PLEKHH2: variants seen among roughly 807,000 people sequenced by gnomAD.
The protein encoded by PLEKHH2 is pleckstrin homology, MyTH4 and FERM domain containing H2.
In PLEKHH2, 129 loss-of-function variants were observed where a neutral mutation model predicts 187.9. The ratio of observed to expected loss-of-function variants is 0.69; its 90% CI spans 0.59 to 0.79. PLEKHH2 has a LOEUF of 0.79. Among genes scored for constraint, PLEKHH2 ranks in the 30% least tolerant of loss-of-function variants. The pLI is 0.00. For missense variants in PLEKHH2, 2,076 were observed against 1,751.2 expected, an observed-to-expected ratio of 1.19 and a Z score of -3.31; for synonymous variants, 686 against 605.6, an observed-to-expected ratio of 1.13 and a Z score of -1.95.
At position 43,760,747 on chromosome 2, in the gene PLEKHH2, C is replaced by A. The variant is rs184739215; in HGVS notation, c.4072-1557C>A. On this transcript the variant is annotated intron_variant, in intron 27 of 29. Coordinates refer to ENST00000282406, the MANE Select transcript of PLEKHH2 (RefSeq NM_172069.4). ...TTGCTGTCACCACCATTCATCTAAA[C>A]ACTTTTTTATTTTCCCAAACTGAAA... is the stretch of plus-strand genomic sequence containing the variant. Among the ~76,000 whole-genome samples, 1,111 of 150,384 alleles carry A rather than the reference C, an allele frequency of 7.4e-3. 14 individuals are homozygous for A. Among genetic ancestry groups the A allele is most frequent in the African/African-American group, 0.025 (1,046 of 41,324 alleles).
chr2:43,752,357 G>A (rs1279912414), intron 24 of PLEKHH2, among the ~76,000 whole-genome samples: 3 of 152,092 alleles, frequency 2.0e-5, no homozygotes, highest in African/African-American at 7.2e-5. Flanking sequence ...TGGAGCTTAG[G>A]ATTTTTCTGA....
chr2:43,753,303 G>A (rs1374951196), intron 24 of PLEKHH2, among the ~76,000 whole-genome samples: 1 of 151,992 alleles, frequency 6.6e-6, no homozygotes, highest in African/African-American at 2.4e-5. Context: ...TCTTATAAGC[G>A]CCATATAGTT....
rs1298787556 is a variant in PLEKHH2 at position 43,738,262 on chromosome 2, A to G, written c.2944-79A>G. 3 of 1,224,714 alleles carry G rather than the reference A, an allele frequency of 2.4e-6. No individual in the cohort carries two copies. The African/African-American group carries it at 4.5e-5, about 18-fold the overall frequency. The allele number at this position is 1,224,714 out of a possible 1,614,324, so 75.9% of individuals were successfully genotyped here. A position where few individuals can be genotyped will look rare whatever the true frequency, so the allele number is the denominator to read the frequency against. The stretch of plus-strand genomic sequence containing the variant: ...TCATTTTAAACAAAAACTACTGCTG[A>G]AAAGATATTCGATATAATTCATGCA... On this transcript the variant is annotated intron_variant, in intron 19 of 29. Transcript: ENST00000282406.
chr2:43,644,364 A>G (rs61560560), intron 1 of PLEKHH2, among the ~76,000 whole-genome samples: 106 of 152,284 alleles, frequency 7.0e-4, no homozygotes, highest in African/African-American at 2.5e-3. Flanking sequence ...ACATACCCAC[A>G]AGGAATAATG....
chr2:43,730,931 A>G (rs1000680593), intron 18 of PLEKHH2, among the ~76,000 whole-genome samples: 1 of 152,182 alleles, frequency 6.6e-6, no homozygotes, highest in African/African-American at 2.4e-5. Context: ...ATATATAGTC[A>G]TGCCCCCTAC....
At chr2:43,679,709 C>T (rs373340978) in intron 3 of PLEKHH2, 1 of 172,802 alleles carries the variant, frequency 5.8e-6, no homozygotes, top group Non-Finnish European at 1.2e-5. Context: ...AGGATGGCCT[C>T]AAACTCCTGA....
intron 2 of PLEKHH2, among the ~76,000 whole-genome samples, chr2:43,650,411 A>G (rs12712893): frequency 0.66 from 99,588 of 151,562 alleles, 33,550 homozygotes; most frequent in African/African-American, 0.8. Flanking sequence ...GGGATTACAG[A>G]CGTGAGCCAC....
intron 17 of PLEKHH2, among the ~76,000 whole-genome samples, chr2:43,727,616 T>C (rs1670829534): frequency 6.6e-6 from 1 of 152,202 alleles, no homozygotes; most frequent in Non-Finnish European, 1.5e-5. Flanking sequence ...TTATTATTGT[T>C]ACTATTGATC....
intron 3 of PLEKHH2, among the ~76,000 whole-genome samples, chr2:43,691,899 G>T (rs1311928146): frequency 1.3e-5 from 2 of 152,138 alleles, no homozygotes; most frequent in African/African-American, 2.4e-5. Context: ...CCTGGAATAA[G>T]CCGGACACTT....
At chr2:43,642,184 TG>T (rs1665972045) in intron 1 of PLEKHH2, among the ~76,000 whole-genome samples, 2 of 152,242 alleles carry the variant, frequency 1.3e-5, no homozygotes, top group African/African-American at 4.8e-5. Context: ...GCACACATTT[TG>T]CACTTCTTTT....
In PLEKHH2 at chr2:43,700,426, G is replaced by T; in HGVS notation, c.1468G>T (p.Asp490Tyr). The T allele has an allele frequency of 6.2e-7, 1 of 1,614,050 alleles. No homozygotes were observed. The highest frequency in any genetic ancestry group is 1.1e-5 in the South Asian group (1 of 91,070). ...RPLRPQETDL[D>Y]LVDGDSTEVL... ...ACTGAGACCTCAGGAAACTGATCTT[G>T]ATCTAGTTGATGGAGACAGTACAGA... Residue 490 changes from aspartate to tyrosine, a missense_variant, in exon 8 of 30, where the codon GAT becomes TAT. By Grantham distance (160) the Asp-to-Tyr change is radical (BLOSUM62 -3). Coordinates refer to ENST00000282406, the MANE Select transcript of PLEKHH2 (RefSeq NM_172069.4).
chr2:43,711,092 C>A, intron 14 of PLEKHH2: 2 of 986,284 alleles, frequency 2.0e-6, no homozygotes, highest in Non-Finnish European at 2.4e-6. Context: ...ATTTTACTCA[C>A]ACATAAGGCC....
At chr2:43,718,768 A>C (rs1022047129) in intron 15 of PLEKHH2, among the ~76,000 whole-genome samples, 1 of 152,312 alleles carries the variant, frequency 6.6e-6, no homozygotes, top group South Asian at 2.1e-4. Context: ...AGAAAAGAAA[A>C]AAACACCCCA....
chr2:43,675,124 A>G (rs1326267765), intron 2 of PLEKHH2: 3 of 355,796 alleles, frequency 8.4e-6, no homozygotes, highest in Admixed American at 8.3e-5. Context: ...TAATAGACAC[A>G]TTAATAAAAT....
chr2:43,680,987 G>C, intron 3 of PLEKHH2: 3 of 1,202,794 alleles, frequency 2.5e-6, no homozygotes, highest in Non-Finnish European at 3.4e-6. Flanking sequence ...CGTTACTGTT[G>C]TTCATATGCC....
At chr2:43,690,524 C>T (rs963024171) in intron 3 of PLEKHH2, among the ~76,000 whole-genome samples, 1 of 152,048 alleles carries the variant, frequency 6.6e-6, no homozygotes, top group African/African-American at 2.4e-5. Flanking sequence ...AGGAGAAAAC[C>T]CTCATTAGTC....
At position 43,669,631 on chromosome 2, in the gene PLEKHH2, A is replaced by G. The variant is rs1474733501; in HGVS notation, c.124-9232A>G. On this transcript the variant is annotated intron_variant, in intron 2 of 29. Transcript: ENST00000282406. The stretch of plus-strand genomic sequence containing the variant: ...AGAAAAATATATTTTATAAACTAAG[A>G]CTAAAGCAGAAGGAACCGAAGAATG... Among the ~76,000 whole-genome samples, 7 of 152,348 alleles carry G rather than the reference A, an allele frequency of 4.6e-5. No homozygotes were observed. In the South Asian group the frequency reaches 1.5e-3, roughly 32 times the overall value.
intron 3 of PLEKHH2, among the ~76,000 whole-genome samples, chr2:43,684,803 C>A (rs1308057568): frequency 6.9e-6 from 1 of 145,068 alleles, no homozygotes; most frequent in Admixed American, 6.8e-5. Context: ...TTTAGACATA[C>A]TGCTACTCCC....
chr2:43,684,762 C>A (rs1282166237), intron 3 of PLEKHH2, among the ~76,000 whole-genome samples: 2 of 148,066 alleles, frequency 1.4e-5, no homozygotes, highest in East Asian at 2.0e-4. Flanking sequence ...TGTGCTATAT[C>A]TTTAAGCAAA....
Sources: gnomAD v4.1 joint callset for allele counts (sites outside exome capture counted in the v4.1 genomes callset) on GRCh38, gnomAD v4.1.1 for gene constraint, MANE v1.5 for transcripts, NCBI Gene and HGNC (gene_info 2026-07-23, HGNC 2026-07-21) for gene names.